Variants in CDH13 observed in about 807,000 individuals in gnomAD.
The protein encoded by CDH13 is cadherin 13.
A neutral mutation model predicts 63.8 loss-of-function variants in CDH13; 24 were observed. The observed-to-expected ratio is 0.38, with a 90% CI of 0.27 to 0.53. CDH13 has a LOEUF of 0.53. CDH13 is among the 20% of genes least tolerant of loss of function. CDH13 has a pLI of 0.85. For missense variants in CDH13, 1,049 were observed against 903.1 expected, an observed-to-expected ratio of 1.16 and a Z score of -2.07; for synonymous variants, 503 against 355.3, an observed-to-expected ratio of 1.42 and a Z score of -4.67.
chr16:83,521,065 G>A (rs1482294884), intron 7 of CDH13, among the ~76,000 whole-genome samples: 1 of 152,112 alleles, frequency 6.6e-6, no homozygotes. Flanking sequence ...GCTTTTTAAA[G>A]CAACATGCTC....
At chr16:83,430,812 C>T (rs1048363468) in intron 6 of CDH13, among the ~76,000 whole-genome samples, 5 of 152,062 alleles carry the variant, frequency 3.3e-5, no homozygotes, top group African/African-American at 1.2e-4. Flanking sequence ...CTTTAATCTA[C>T]ACACCAGTTC....
At chr16:83,468,473 C>T (rs192615438) in intron 6 of CDH13, among the ~76,000 whole-genome samples, 5 of 152,298 alleles carry the variant, frequency 3.3e-5, no homozygotes, top group East Asian at 3.9e-4. Flanking sequence ...ACCAAATATC[C>T]GAAATCCTAA....
chr16:83,412,128 T>C (rs931199213), intron 6 of CDH13, among the ~76,000 whole-genome samples: 6 of 152,352 alleles, frequency 3.9e-5, no homozygotes, highest in Admixed American at 1.3e-4. Context: ...TGAATGCACC[T>C]ATGCATGTGG....
At chr16:83,526,332 C>G (rs374238905) in intron 7 of CDH13, among the ~76,000 whole-genome samples, 3 of 152,148 alleles carry the variant, frequency 2.0e-5, no homozygotes, top group Non-Finnish European at 2.9e-5. Context: ...AGTCCGCAAC[C>G]TTTTTGGCAC....
At chr16:82,780,155 T>C (rs1317849229) in intron 1 of CDH13, among the ~76,000 whole-genome samples, 2 of 151,904 alleles carry the variant, frequency 1.3e-5, no homozygotes, top group Non-Finnish European at 2.9e-5. Context: ...CTTGTAGGAA[T>C]GGGGGTGGGG....
intron 2 of CDH13, among the ~76,000 whole-genome samples, chr16:83,003,162 G>C (rs1241796424): frequency 6.6e-6 from 1 of 152,286 alleles, no homozygotes; most frequent in East Asian, 1.9e-4. Context: ...ATTTGTCTGT[G>C]TGTTCAGTCC....
At chr16:83,429,142 C>G (rs1255250745) in intron 6 of CDH13, among the ~76,000 whole-genome samples, 3 of 152,200 alleles carry the variant, frequency 2.0e-5, no homozygotes, top group African/African-American at 7.2e-5. Flanking sequence ...CTGGGGTCAG[C>G]TATGACTTAA....
chr16:82,679,125 G>A (rs141250822), intron 1 of CDH13, among the ~76,000 whole-genome samples: 94 of 152,294 alleles, frequency 6.2e-4, no homozygotes, highest in Non-Finnish European at 9.8e-4. Context: ...CCCGAGGAAC[G>A]CCAGCTCCTT....
At chr16:82,681,561 T>G (rs1187449111) in intron 1 of CDH13, among the ~76,000 whole-genome samples, 1 of 152,254 alleles carries the variant, frequency 6.6e-6, no homozygotes, top group Non-Finnish European at 1.5e-5. Flanking sequence ...TGTTTGCCTC[T>G]TACTCATTTT....
intron 11 of CDH13, among the ~76,000 whole-genome samples, chr16:83,759,780 T>C (rs1277404131): frequency 6.6e-6 from 1 of 151,528 alleles, no homozygotes; most frequent in Non-Finnish European, 1.5e-5. Flanking sequence ...TAAAAAAAAT[T>C]ATCCAAGTGG....
chr16:82,843,468 T>C (rs948317666), intron 1 of CDH13, among the ~76,000 whole-genome samples: 1 of 152,248 alleles, frequency 6.6e-6, no homozygotes, highest in African/African-American at 2.4e-5. Flanking sequence ...CAGGGGAAGA[T>C]ATGTGGCATT....
chr16:82,824,476 C>T (rs974596305), intron 1 of CDH13: 3 of 152,044 alleles, frequency 2.0e-5, no homozygotes, highest in African/African-American at 7.2e-5. Flanking sequence ...TATATCTAGG[C>T]AGTAACCATC....
In CDH13 at chr16:83,800,402, C is replaced by A. The variant is rs560955888; in HGVS notation, c.*5372C>A. 2.6e-5 allele frequency: 4 copies of A among 152,122 alleles called. No individual in the cohort carries two copies. The highest frequency in any genetic ancestry group is 5.9e-5 in the Non-Finnish European group (4 of 68,018). The allele number at this position is 152,122 out of a possible 1,614,324, so 9.4% of individuals were successfully genotyped here. A position where few individuals can be genotyped will look rare whatever the true frequency, so the allele number is the denominator to read the frequency against. ...TGATGACAAAATTTTATGTATCCCC[C>A]CAGATAAAAATTTTAAGAAATTTTA... On this transcript the variant is annotated 3_prime_UTR_variant, in exon 14 of 14. Transcript: ENST00000567109.
At chr16:82,954,670 G>A (rs143448501) in intron 2 of CDH13, 1 of 151,382 alleles carries the variant, frequency 6.6e-6, no homozygotes, top group Non-Finnish European at 1.5e-5. Flanking sequence ...TTAAAGTGTA[G>A]CACTCCATGG....
Position 83,783,296 on chromosome 16 carries a change from C to G in CDH13, c.1958C>G (p.Ala653Gly), listed in dbSNP as rs770561606. The change falls in exon 13 of 14, where the codon GCA becomes GGA. Residue 653 changes from alanine (A) to glycine (G), a missense_variant. By Grantham distance (60) the Ala-to-Gly change is moderately conservative. Coordinates refer to ENST00000567109, the MANE Select transcript of CDH13 (RefSeq NM_001257.5). ...LVSLLQNLNK[A>G]NYNLPIMVTD... ...AGCCTTCTTCAAAATCTGAACAAAG[C>G]AAACTACAACCTGCCCATCATGGTG... is the stretch of plus-strand genomic sequence containing the variant. 6.2e-7 allele frequency: 1 copy of G among 1,613,936 alleles called. No individual in the cohort carries two copies. The highest frequency in any genetic ancestry group is 1.1e-5 in the South Asian group (1 of 91,076).
intron 11 of CDH13, among the ~76,000 whole-genome samples, chr16:83,749,725 G>C (rs1472760308): frequency 6.6e-6 from 1 of 152,154 alleles, no homozygotes. Flanking sequence ...TGGTCCTTGT[G>C]TTCAGAGGGC....
intron 4 of CDH13, among the ~76,000 whole-genome samples, chr16:83,206,516 C>A (rs1460455679): frequency 6.6e-6 from 1 of 152,214 alleles, no homozygotes; most frequent in African/African-American, 2.4e-5. Context: ...CTCACATGCA[C>A]CCGACAGTTT....
chr16:83,179,103 T>G (rs1054273671), intron 4 of CDH13, among the ~76,000 whole-genome samples: 3 of 152,136 alleles, frequency 2.0e-5, no homozygotes, highest in African/African-American at 7.2e-5. Flanking sequence ...TCAGAGCAAA[T>G]GTGGTGGTGG....
Position 82,809,023 on chromosome 16 carries a change from T to C in CDH13, c.46-49339T>C, listed in dbSNP as rs543309500. On this transcript the variant is annotated intron_variant, in intron 1 of 13. Coordinates refer to ENST00000567109, the MANE Select transcript of CDH13 (RefSeq NM_001257.5). ...TGGGTATATATACACGTTATATATA[T>C]GATTGTGAACATGCATATACATATG... Among the ~76,000 whole-genome samples the C allele has an allele frequency of 2.6e-5, 4 of 152,248 alleles. No individual in the cohort carries two copies. The East Asian group carries it at 7.7e-4, about 29-fold the overall frequency.
Sources: allele counts gnomAD v4.1 joint callset (sites outside exome capture counted in the v4.1 genomes callset), GRCh38; gene constraint gnomAD v4.1.1; transcripts MANE v1.5; gene names NCBI Gene and HGNC (gene_info 2026-07-23, HGNC 2026-07-21).